SHLD1: variants seen among roughly 807,000 people sequenced by gnomAD.
The protein encoded by SHLD1 is shieldin complex subunit 1, also known as RINN1-REV7-interacting novel NHEJ regulator 3.
In SHLD1, 3 loss-of-function variants were observed where a neutral mutation model predicts 5.5. That is an observed-to-expected ratio of 0.54 (90% confidence interval 0.25 to 1.40). The LOEUF is 1.40. SHLD1 is among the 40% of genes most tolerant of loss of function. The pLI is 0.15. For synonymous variants in SHLD1, 92 were observed against 94.3 expected, an observed-to-expected ratio of 0.98 and a Z score of 0.14; for missense variants, 210 against 244.4, an observed-to-expected ratio of 0.86 and a Z score of 0.94.
At chr20:5,832,818 A>G (rs547141392) in intron 2 of SHLD1, among the ~76,000 whole-genome samples, 25 of 138,486 alleles carry the variant, frequency 1.8e-4, no homozygotes, top group African/African-American at 6.1e-4. Context: ...TAAATAAATA[A>G]ATAAATAAAT....
intron 2 of SHLD1, among the ~76,000 whole-genome samples, chr20:5,852,256 A>C (rs1242736971): frequency 1.3e-5 from 2 of 152,130 alleles, no homozygotes; most frequent in African/African-American, 4.8e-5. Context: ...TAAGTTTTTG[A>C]AGTCTGGTGT....
intron 2 of SHLD1, among the ~76,000 whole-genome samples, chr20:5,817,420 CTCTCTCTCTCTCTGTG>C (rs1439983422): frequency 2.3e-5 from 3 of 131,438 alleles, no homozygotes; most frequent in Admixed American, 7.5e-5. Flanking sequence ...CTCTCTCTCT[CTCTCTCTCTCTCTGTG>C]TGTGTGTGTG....
chr20:5,763,002 T>C (rs1462780490), intron 1 of SHLD1, among the ~76,000 whole-genome samples: 13 of 148,678 alleles, frequency 8.7e-5, no homozygotes, highest in Admixed American at 6.7e-5. Context: ...TAGCACCTAA[T>C]TGCCACAAAG....
intron 2 of SHLD1, among the ~76,000 whole-genome samples, chr20:5,796,049 T>G (rs1447274749): frequency 6.6e-6 from 1 of 152,128 alleles, no homozygotes; most frequent in Non-Finnish European, 1.5e-5. Context: ...GATATCTACT[T>G]ATTTCTCCAC....
intron 2 of SHLD1, among the ~76,000 whole-genome samples, chr20:5,805,942 G>A (rs2087369008): frequency 6.6e-6 from 1 of 152,160 alleles, no homozygotes; most frequent in Non-Finnish European, 1.5e-5. Context: ...GCTGGGTCTG[G>A]TGACCTCCAT....
intron 2 of SHLD1, among the ~76,000 whole-genome samples, chr20:5,833,093 T>C (rs1390616217): frequency 6.6e-6 from 1 of 152,144 alleles, no homozygotes. Context: ...GCATACACCA[T>C]ACAGTGCTAG....
At chr20:5,859,689 A>C (rs542023827) in intron 2 of SHLD1, among the ~76,000 whole-genome samples, 1 of 152,356 alleles carries the variant, frequency 6.6e-6, no homozygotes, top group South Asian at 2.1e-4. Flanking sequence ...TAGTAAAGCA[A>C]ATTTTAAAAG....
In SHLD1 at chr20:5,806,143, G is replaced by A. The variant is rs181470345; in HGVS notation, c.178+33100G>A. On this transcript the variant is annotated intron_variant, in intron 2 of 2. Transcript: ENST00000303142. This position sits in a 1 kb window ranked among gnomAD's most constrained non-coding sequence, Gnocchi z 7.6. Reference sequence around the variant, plus strand: ...GCCTCCCAAAATGTTGGGATAATAGGTGTGAGCTACCACATCTGGCTGCTT... The same window carrying A: ...GCCTCCCAAAATGTTGGGATAATAGATGTGAGCTACCACATCTGGCTGCTT... Among the ~76,000 whole-genome samples, 2 of 152,308 alleles carry A rather than the reference G, an allele frequency of 1.3e-5. No individual in the cohort carries two copies. The highest frequency in any genetic ancestry group is 1.9e-4 in the East Asian group (1 of 5,188).
intron 2 of SHLD1, among the ~76,000 whole-genome samples, chr20:5,858,717 C>T (rs2088121850): frequency 6.6e-6 from 1 of 152,082 alleles, no homozygotes; most frequent in Non-Finnish European, 1.5e-5. Context: ...CACCTGTGGT[C>T]CCAGCTACTC....
At chr20:5,811,106 C>T (rs1389855335) in intron 2 of SHLD1, among the ~76,000 whole-genome samples, 4 of 152,024 alleles carry the variant, frequency 2.6e-5, no homozygotes, top group African/African-American at 4.8e-5. Context: ...GAGGGGTGAT[C>T]GATGCCAAGT....
At chr20:5,857,183 C>T (rs1437592183) in intron 2 of SHLD1, among the ~76,000 whole-genome samples, 8 of 152,156 alleles carry the variant, frequency 5.3e-5, no homozygotes, top group Non-Finnish European at 1.5e-5. Flanking sequence ...GCCATGTTGG[C>T]CAGGCTGGTC....
chr20:5,795,991 CA>C (rs74601698), intron 2 of SHLD1, among the ~76,000 whole-genome samples: 146 of 133,372 alleles, frequency 1.1e-3, no homozygotes, highest in Non-Finnish European at 1.2e-3. Context: ...GACTCTGTCT[CA>C]AAAAAAAAAA....
intron 2 of SHLD1, among the ~76,000 whole-genome samples, chr20:5,780,582 A>T (rs1437255766): frequency 6.6e-6 from 1 of 152,184 alleles, no homozygotes; most frequent in Non-Finnish European, 1.5e-5. Flanking sequence ...GGATATAGCA[A>T]GGACCGCTGC....
At chr20:5,774,033 G>T (rs1425667126) in intron 2 of SHLD1, among the ~76,000 whole-genome samples, 3 of 152,026 alleles carry the variant, frequency 2.0e-5, no homozygotes, top group Admixed American at 1.3e-4. Flanking sequence ...GTGAAACCCT[G>T]TCTCTACTAA....
chr20:5,816,142 CA>C (rs2087528453), intron 2 of SHLD1, among the ~76,000 whole-genome samples: 1 of 142,548 alleles, frequency 7.0e-6, no homozygotes, highest in Admixed American at 7.0e-5. Flanking sequence ...TGGTAGAATA[CA>C]CAGCCCATGA....
At chr20:5,831,903 A>G (rs1437780108) in intron 2 of SHLD1, among the ~76,000 whole-genome samples, 2 of 152,066 alleles carry the variant, frequency 1.3e-5, no homozygotes, top group Non-Finnish European at 2.9e-5. Flanking sequence ...CTTTTCCTAT[A>G]ATACATGTGC....
chr20:5,799,638 A>T (rs1182732991), intron 2 of SHLD1, among the ~76,000 whole-genome samples: 1 of 152,080 alleles, frequency 6.6e-6, no homozygotes, highest in East Asian at 1.9e-4. Context: ...GCCAGCTCAA[A>T]TTCAAAGAGT....
intron 2 of SHLD1, among the ~76,000 whole-genome samples, chr20:5,792,806 T>C (rs1237331876): frequency 3.3e-5 from 5 of 151,974 alleles, no homozygotes; most frequent in Non-Finnish European, 7.4e-5. Flanking sequence ...CCCGAGTAGC[T>C]GGGATTACAG....
chr20:5,803,956 G>A (rs1160545968), intron 2 of SHLD1, among the ~76,000 whole-genome samples: 2 of 151,534 alleles, frequency 1.3e-5, no homozygotes, highest in Admixed American at 1.3e-4. Flanking sequence ...GGAGGTTGAG[G>A]GCCTGTCTTC....
Sources: allele counts gnomAD v4.1 joint callset (sites outside exome capture counted in the v4.1 genomes callset), GRCh38; gene constraint gnomAD v4.1.1; non-coding constraint Gnocchi (gnomAD v3.1); transcripts MANE v1.5; gene names NCBI Gene and HGNC (gene_info 2026-07-23, HGNC 2026-07-21).